Variants in SLC9A1 observed in about 807,000 individuals in gnomAD.
SLC9A1 encodes solute carrier family 9 member A1.
Under a neutral mutation model 67.9 loss-of-function variants are expected in SLC9A1, and 22 were observed. The ratio of observed to expected loss-of-function variants is 0.32; its 90% CI spans 0.23 to 0.46. The LOEUF is 0.46. SLC9A1 is among the 20% of genes least tolerant of loss of function. The probability of loss-of-function intolerance (pLI) is 1.00; values close to 1 mark genes in which losing one functional copy is unlikely to be tolerated. For missense variants in SLC9A1, 686 were observed against 1,094.8 expected (o/e 0.63, Z 5.27); for synonymous variants, 421 against 471.8 (o/e 0.89, Z 1.40).
At chr1:27,115,458 T>C (rs2124157863) in intron 1 of SLC9A1, among the ~76,000 whole-genome samples, 1 of 152,220 alleles carries the variant, frequency 6.6e-6, no homozygotes, top group South Asian at 2.1e-4. Context: ...TCTAGTTGTA[T>C]GTTGGGTACT....
chr1:27,129,675 G>A (rs2083371805), intron 1 of SLC9A1, among the ~76,000 whole-genome samples: 1 of 152,192 alleles, frequency 6.6e-6, no homozygotes, highest in Non-Finnish European at 1.5e-5. Flanking sequence ...CTTGGTTGAC[G>A]TTACACAGCA....
intron 4 of SLC9A1, 44 bp downstream of exon 4, chr1:27,107,604 A>G: frequency 7.3e-7 from 1 of 1,363,270 alleles, no homozygotes; most frequent in Non-Finnish European, 1.0e-6. Context: ...CCCCACACAC[A>G]CCCCACACCA....
intron 5 of SLC9A1, chr1:27,104,076 CTTTTTTTTTTTTTTTTTTTT>C (rs776799812): frequency 8.4e-6 from 1 of 119,258 alleles, no homozygotes; most frequent in Non-Finnish European, 1.7e-5. Flanking sequence ...GCCTCCTCCT[CTTTTTTTTTTTTTTTTTTTT>C]TTTGAGATGG....
intron 1 of SLC9A1, among the ~76,000 whole-genome samples, chr1:27,143,817 T>G (rs750743340): frequency 2.6e-5 from 4 of 152,216 alleles, no homozygotes; most frequent in Non-Finnish European, 4.4e-5. Flanking sequence ...ATGCAATGGC[T>G]TTATGAAAAC....
At chr1:27,134,007 C>G (rs979752636) in intron 1 of SLC9A1, among the ~76,000 whole-genome samples, 1 of 152,122 alleles carries the variant, frequency 6.6e-6, no homozygotes, top group Non-Finnish European at 1.5e-5. Context: ...TCGTGACCTA[C>G]CCACCTCAGC....
At chr1:27,130,276 G>A (rs2083376032) in intron 1 of SLC9A1, among the ~76,000 whole-genome samples, 1 of 152,178 alleles carries the variant, frequency 6.6e-6, no homozygotes, top group African/African-American at 2.4e-5. Context: ...AATTTTTTGT[G>A]TATTTTTAGT....
chr1:27,121,308 A>C (rs1402657180), intron 1 of SLC9A1, among the ~76,000 whole-genome samples: 1 of 152,184 alleles, frequency 6.6e-6, no homozygotes, highest in Non-Finnish European at 1.5e-5. Context: ...CATACACTGG[A>C]CTATCTGAGT....
chr1:27,116,967 T>G (rs2083276358), intron 1 of SLC9A1, among the ~76,000 whole-genome samples: 1 of 152,166 alleles, frequency 6.6e-6, no homozygotes, highest in Non-Finnish European at 1.5e-5. Context: ...ATCCTCTGCC[T>G]GCCTCCTCCT....
In SLC9A1 at chr1:27,106,814, T is replaced by G. The variant is rs868363449; in HGVS notation, c.1283-727A>C. ...GCTCACGTCACCTGTCTTGAGACAG[T>G]GCAGAGAGCACTCAGCTCAGAGTCA... On this transcript the variant is annotated intron_variant, in intron 4 of 11. Coordinates refer to ENST00000263980, the MANE Select transcript of SLC9A1 (RefSeq NM_003047.5). The surrounding 1 kb of genome is among the most constrained non-coding windows in gnomAD (Gnocchi z 4.3). Among the ~76,000 whole-genome samples, 2 of 151,960 alleles carry G rather than the reference T, an allele frequency of 1.3e-5. No individual in the cohort carries two copies. The highest frequency in any genetic ancestry group is 2.9e-5 in the Non-Finnish European group (2 of 67,958).
intron 1 of SLC9A1, among the ~76,000 whole-genome samples, chr1:27,151,368 T>A (rs1371954980): frequency 6.6e-6 from 1 of 152,200 alleles, no homozygotes; most frequent in Non-Finnish European, 1.5e-5. Flanking sequence ...TTTTTTTATT[T>A]ATTTATTTAG....
Position 27,100,348 on chromosome 1 carries a change from C to T in SLC9A1, c.2407G>A (p.Glu803Lys). The change falls in exon 12 of 12, where the codon GAG becomes AAG. Residue 803 changes from glutamate (E) to lysine (K), a missense_variant. By Grantham distance (56) the Glu-to-Lys change is moderately conservative. Coordinates refer to ENST00000263980, the MANE Select transcript of SLC9A1 (RefSeq NM_003047.5). The surrounding 1 kb of genome is among the most constrained non-coding windows in gnomAD (Gnocchi z 5.6). ...AAGAACGGTTCTCCCTCCCCAGGCT[C>T]AGGGTGTGGGCCTGGGTCACTGAGG... ...RCLSDPGPHP[E>K]PGEGEPFFPK... The T allele has an allele frequency of 6.5e-7, 1 of 1,547,940 alleles. No homozygotes were observed. Among genetic ancestry groups the T allele is most frequent in the Non-Finnish European group, 8.7e-7 (1 of 1,146,786 alleles).
chr1:27,120,953 G>C (rs1341049237), intron 1 of SLC9A1, among the ~76,000 whole-genome samples: 1 of 152,160 alleles, frequency 6.6e-6, no homozygotes, highest in Non-Finnish European at 1.5e-5. Context: ...TTAGAACCCA[G>C]TTCTCTGAAC....
chr1:27,111,523 C>G (rs1004688063), intron 2 of SLC9A1, among the ~76,000 whole-genome samples: 1 of 152,194 alleles, frequency 6.6e-6, no homozygotes. Context: ...AGGCCAGACA[C>G]AGTGGCTCAC....
At chr1:27,107,513 C>T (rs1273008173) in intron 4 of SLC9A1, 135 bp downstream of exon 4, 6 of 689,440 alleles carry the variant, frequency 8.7e-6, no homozygotes, top group East Asian at 5.4e-5. Context: ...ATACACTGCA[C>T]CACATGCACA....
In SLC9A1 at chr1:27,102,572, G is replaced by C. The variant is rs2083154908; in HGVS notation, c.1647-14C>G. On this transcript the variant is annotated splice_polypyrimidine_tract_variant and intron_variant, in intron 7 of 11. Coordinates refer to ENST00000263980, the MANE Select transcript of SLC9A1 (RefSeq NM_003047.5). ...AACCGGTTGAGCCTGGTGGGAGGAG[G>C]AGGGAGACGGATGGCGCCAGCTTCC... The C allele has an allele frequency of 6.2e-7, 1 of 1,609,082 alleles. No homozygotes were observed. Among genetic ancestry groups the C allele is most frequent in the South Asian group, 1.1e-5 (1 of 91,016 alleles).
In SLC9A1 at chr1:27,135,574, GCT is replaced by G. The variant is rs966901710; in HGVS notation, c.352+18407_352+18408del. ...TGGAGGGAAAATGTTCTGAGCACCT[GCT>G]CTCTGAGTCAAAATTCAGTACTAAA... On this transcript the variant is annotated intron_variant, in intron 1 of 11. Coordinates refer to ENST00000263980, the MANE Select transcript of SLC9A1 (RefSeq NM_003047.5). 2.1e-5 allele frequency among the ~76,000 whole-genome samples: 3 copies of G among 142,138 alleles called. No individual in the cohort carries two copies. In the East Asian group the frequency reaches 6.0e-4, roughly 29 times the overall value. 93.2% of individuals were successfully genotyped at this position (142,138 alleles called of 152,430 possible). A position where few individuals can be genotyped will look rare whatever the true frequency, so the allele number is the denominator to read the frequency against.
chr1:27,133,171 G>A (rs991643432), intron 1 of SLC9A1, among the ~76,000 whole-genome samples: 2 of 151,970 alleles, frequency 1.3e-5, no homozygotes, highest in African/African-American at 2.4e-5. Flanking sequence ...GGGTTCAAGC[G>A]ATTCTTGTGC....
intron 1 of SLC9A1, among the ~76,000 whole-genome samples, chr1:27,144,494 C>T (rs769496835): frequency 2.6e-5 from 4 of 152,194 alleles, no homozygotes; most frequent in Non-Finnish European, 5.9e-5. Context: ...CTGTGAGTGT[C>T]GCTCCCAGCG....
chr1:27,116,102 G>A (rs2083270631), intron 1 of SLC9A1, among the ~76,000 whole-genome samples: 1 of 152,124 alleles, frequency 6.6e-6, no homozygotes, highest in Admixed American at 6.5e-5. Context: ...GCTCACGCCT[G>A]TAATCCCAGC....
Sources: gnomAD v4.1 joint callset for allele counts (sites outside exome capture counted in the v4.1 genomes callset) on GRCh38, gnomAD v4.1.1 for gene constraint, Gnocchi (gnomAD v3.1) non-coding constraint, MANE v1.5 for transcripts, NCBI Gene and HGNC (gene_info 2026-07-23, HGNC 2026-07-21) for gene names.